The following LHFPL6 variants were observed in gnomAD, a reference collection of about 807,000 sequenced individuals.
LHFPL6 encodes LHFPL tetraspan subfamily member 6, also known as LHFPL tetraspan subfamily member 6 protein.
In LHFPL6, 9 loss-of-function variants were observed where a neutral mutation model predicts 20.6. The observed-to-expected ratio is 0.44, with a 90% confidence interval of 0.26 to 0.76. The LOEUF (loss-of-function observed/expected upper bound fraction) is 0.76. LHFPL6 is among the 30% of genes least tolerant of loss of function. The pLI is 0.20. For synonymous variants in LHFPL6, 105 were observed against 98.7 expected, an observed-to-expected ratio of 1.06 and a Z score of -0.38; for missense variants, 218 against 253.5, an observed-to-expected ratio of 0.86 and a Z score of 0.95.
intron 2 of LHFPL6, among the ~76,000 whole-genome samples, chr13:39,595,779 T>C (rs1872753705): frequency 1.3e-5 from 2 of 152,224 alleles, no homozygotes; most frequent in South Asian, 4.1e-4. Context: ...CCAAAGGTGC[T>C]GAAGACCAGG....
intron 2 of LHFPL6, among the ~76,000 whole-genome samples, chr13:39,402,115 A>G (rs1007497844): frequency 6.6e-6 from 1 of 152,214 alleles, no homozygotes. Flanking sequence ...AATACCTCAT[A>G]ATATTTTTGA....
chr13:39,570,437 C>T (rs1360551552), intron 2 of LHFPL6, among the ~76,000 whole-genome samples: 1 of 151,894 alleles, frequency 6.6e-6, no homozygotes, highest in Non-Finnish European at 1.5e-5. Context: ...AGCCACCACG[C>T]CTGGCTAATT....
intron 2 of LHFPL6, among the ~76,000 whole-genome samples, chr13:39,482,064 T>A (rs1049806066): frequency 6.6e-6 from 1 of 152,198 alleles, no homozygotes; most frequent in African/African-American, 2.4e-5. Context: ...CTGAAGCTGC[T>A]GGGTAAAGAG....
At chr13:39,400,782 CAAAAAAAAA>C (rs34833321) in intron 2 of LHFPL6, among the ~76,000 whole-genome samples, 2 of 53,494 alleles carry the variant, frequency 3.7e-5, no homozygotes, top group African/African-American at 8.8e-5. Flanking sequence ...GACTCCGTCT[CAAAAAAAAA>C]AAAAAAAAAA....
chr13:39,414,166 T>A (rs1242422864), intron 2 of LHFPL6, among the ~76,000 whole-genome samples: 1 of 152,210 alleles, frequency 6.6e-6, no homozygotes, highest in African/African-American at 2.4e-5. Context: ...CATTTTTGTA[T>A]GGACTATATG....
intron 2 of LHFPL6, among the ~76,000 whole-genome samples, chr13:39,471,026 G>A (rs983903595): frequency 1.3e-5 from 2 of 152,206 alleles, no homozygotes; most frequent in Admixed American, 1.3e-4. Flanking sequence ...GAACTACATA[G>A]TTGAGGAAGA....
intron 3 of LHFPL6, among the ~76,000 whole-genome samples, chr13:39,349,497 T>C (rs915916223): frequency 1.3e-5 from 2 of 152,258 alleles, no homozygotes; most frequent in East Asian, 3.9e-4. Context: ...AAACATTCAG[T>C]GAGTGCCAGC....
chr13:39,503,085 T>C (rs1299260966), intron 2 of LHFPL6, among the ~76,000 whole-genome samples: 5 of 152,056 alleles, frequency 3.3e-5, no homozygotes, highest in Admixed American at 3.3e-4. Flanking sequence ...TTACAATCCA[T>C]ACATATGTGA....
chr13:39,569,180 T>A (rs1326071984), intron 2 of LHFPL6, among the ~76,000 whole-genome samples: 7 of 83,046 alleles, frequency 8.4e-5, no homozygotes, highest in Non-Finnish European at 2.1e-4. Flanking sequence ...GATGGATGGA[T>A]GGATGGATGG....
chr13:39,494,002 A>T (rs1422050080), intron 2 of LHFPL6, among the ~76,000 whole-genome samples: 1 of 152,194 alleles, frequency 6.6e-6, no homozygotes, highest in African/African-American at 2.4e-5. Flanking sequence ...TAAACCTCAG[A>T]CCATAGTCAA....
intron 2 of LHFPL6, among the ~76,000 whole-genome samples, chr13:39,450,222 T>C (rs1392377257): frequency 6.6e-6 from 1 of 152,178 alleles, no homozygotes; most frequent in East Asian, 1.9e-4. Flanking sequence ...AGAGCAGAGA[T>C]ACAATAGTAG....
intron 3 of LHFPL6, among the ~76,000 whole-genome samples, chr13:39,352,623 A>G (rs1869598226): frequency 2.0e-5 from 3 of 152,074 alleles, no homozygotes; most frequent in African/African-American, 7.2e-5. Flanking sequence ...ATAGTGTCTG[A>G]GTCAGGATAT....
At position 39,463,105 on chromosome 13, in the gene LHFPL6, C is replaced by T. The variant is rs555316909; in HGVS notation, c.386-84579G>A. ...GGCAGAGACAGGAAATGGGCTTCAT[C>T]GCTATTGCCAGCCCAGATTGAAAGA... On this transcript the variant is annotated intron_variant, in intron 2 of 3. Transcript: ENST00000379589. Among the ~76,000 whole-genome samples the T allele has an allele frequency of 5.9e-5, 9 of 152,298 alleles. No homozygotes were observed. The East Asian group carries it at 7.7e-4, about 13-fold the overall frequency.
rs1156903998 is a variant in LHFPL6, at chr13:39,564,487, C to G, written c.385+36345G>C. Among the ~76,000 whole-genome samples the G allele has an allele frequency of 3.3e-5, 5 of 152,132 alleles. No individual in the cohort carries two copies. In the East Asian group the frequency reaches 9.6e-4, roughly 29 times the overall value. On this transcript the variant is annotated intron_variant, in intron 2 of 3. Coordinates refer to ENST00000379589, the MANE Select transcript of LHFPL6 (RefSeq NM_005780.3). ...AAAAATGGCCCATGCAGTACAAAAC[C>G]CAAGAGCATTAAAAATGGCCTTTGA... is the stretch of plus-strand genomic sequence containing the variant.
At position 39,446,158 on chromosome 13, in the gene LHFPL6, A is replaced by G. The variant is rs2138417554; in HGVS notation, c.386-67632T>C. ...GCACAAACTTGAAAATGACTTTGGG[A>G]TGATAACTCACTGGAAGGCCCTGAT... On this transcript the variant is annotated intron_variant, in intron 2 of 3. Transcript: ENST00000379589. Among the ~76,000 whole-genome samples, 2 of 152,308 alleles carry G rather than the reference A, an allele frequency of 1.3e-5. 1 individual carries two copies. Among genetic ancestry groups the G allele is most frequent in the South Asian group, 4.1e-4 (2 of 4,828 alleles).
chr13:39,389,657 C>T (rs1032765322), intron 2 of LHFPL6, among the ~76,000 whole-genome samples: 3 of 152,014 alleles, frequency 2.0e-5, no homozygotes, highest in East Asian at 1.9e-4. Flanking sequence ...ACCAATTCCC[C>T]GGTGTGTGGC....
intron 2 of LHFPL6, among the ~76,000 whole-genome samples, chr13:39,396,442 A>C (rs1376446779): frequency 6.6e-6 from 1 of 152,202 alleles, no homozygotes; most frequent in Non-Finnish European, 1.5e-5. Context: ...GTAATTAGGT[A>C]AGATGAGATC....
chr13:39,548,573 T>C (rs574012718), intron 2 of LHFPL6, among the ~76,000 whole-genome samples: 8 of 152,030 alleles, frequency 5.3e-5, no homozygotes, highest in Admixed American at 5.2e-4. Context: ...TAAAAAAAAA[T>C]CATATTACCT....
intron 2 of LHFPL6, among the ~76,000 whole-genome samples, chr13:39,559,575 G>C (rs998105645): frequency 6.6e-6 from 1 of 152,168 alleles, no homozygotes; most frequent in African/African-American, 2.4e-5. Flanking sequence ...TAAGTGTGTA[G>C]ATAAAAGCAT....
Sources: allele counts gnomAD v4.1 joint callset (sites outside exome capture counted in the v4.1 genomes callset), GRCh38; gene constraint gnomAD v4.1.1; transcripts MANE v1.5; gene names NCBI Gene and HGNC (gene_info 2026-07-23, HGNC 2026-07-21).